The following TTC39B variants were observed in gnomAD, a reference collection of about 807,000 sequenced individuals.
TTC39B encodes the protein tetratricopeptide repeat domain 39B.
Under a neutral mutation model 96.6 loss-of-function variants are expected in TTC39B, and 92 were observed. That is an observed-to-expected ratio of 0.95 (90% CI 0.80 to 1.13). The LOEUF is 1.13. TTC39B is among the 50% of genes most tolerant of loss of function. TTC39B has a pLI of 0.00. For synonymous variants in TTC39B, 367 were observed against 299.4 expected (o/e 1.23, Z -2.33); for missense variants, 955 against 809.3 (o/e 1.18, Z -2.18).
At chr9:15,234,753 C>T (rs993674363) in intron 2 of TTC39B, among the ~76,000 whole-genome samples, 9 of 151,724 alleles carry the variant, frequency 5.9e-5, no homozygotes, top group Admixed American at 5.3e-4. Context: ...CTCTCTGAAA[C>T]ATGTGCTGTG....
chr9:15,211,750 T>C (rs989369483), intron 4 of TTC39B, among the ~76,000 whole-genome samples: 1 of 152,210 alleles, frequency 6.6e-6, no homozygotes, highest in East Asian at 1.9e-4. Flanking sequence ...TAAAGGCCGC[T>C]GGAAATGTAT....
chr9:15,205,396 C>G (rs1282842711), intron 6 of TTC39B, among the ~76,000 whole-genome samples: 1 of 152,192 alleles, frequency 6.6e-6, no homozygotes, highest in Non-Finnish European at 1.5e-5. Flanking sequence ...ATGCCACCCC[C>G]ACCCTACACA....
intron 1 of TTC39B, among the ~76,000 whole-genome samples, chr9:15,273,617 T>A (rs1823434591): frequency 6.6e-6 from 1 of 151,544 alleles, no homozygotes; most frequent in Non-Finnish European, 1.5e-5. Flanking sequence ...GATGACAAGG[T>A]TTGAGAGGGC....
rs547757188 is a variant in TTC39B at position 15,275,154 on chromosome 9, G to A, written c.241-7206C>T. 5.8e-3 allele frequency among the ~76,000 whole-genome samples: 876 copies of A among 151,940 alleles called. 9 individuals are homozygous for A. The highest frequency in any genetic ancestry group is 6.6e-3 in the Non-Finnish European group (447 of 67,972). On this transcript the variant is annotated intron_variant, in intron 1 of 19. Coordinates refer to ENST00000512701, the Ensembl canonical transcript of TTC39B. ...CCCCTCCAGTTCAAGCGATTCTCCT[G>A]CCTCAGCCTCCCAAGTAGCTGAGAT...
chr9:15,182,277 G>C, intron 17 of TTC39B, 30 bp downstream of exon 17: 1 of 1,436,322 alleles, frequency 7.0e-7, no homozygotes, highest in Non-Finnish European at 9.7e-7. Flanking sequence ...CAGAGACAAA[G>C]GCTCCTCGGT....
At chr9:15,263,319 A>C (rs1823010664) in intron 2 of TTC39B, among the ~76,000 whole-genome samples, 1 of 152,188 alleles carries the variant, frequency 6.6e-6, no homozygotes, top group Non-Finnish European at 1.5e-5. Context: ...ATTTAACTTA[A>C]ATTTCATTTA....
chr9:15,171,085 T>C (rs1214763880), exon 20 of TTC39B: 1 of 152,200 alleles, frequency 6.6e-6, no homozygotes, highest in East Asian at 1.9e-4. Context: ...TATGCCCTGA[T>C]TCTGTTTCCC....
chr9:15,190,335 G>A (rs1490330559), intron 11 of TTC39B, among the ~76,000 whole-genome samples: 1 of 151,482 alleles, frequency 6.6e-6, no homozygotes, highest in African/African-American at 2.4e-5. Flanking sequence ...TTTATGTTTT[G>A]TCTTGTTTTG....
intron 14 of TTC39B, 91 bp downstream of exon 14, chr9:15,187,880 T>C (rs932877545): frequency 7.7e-7 from 1 of 1,306,034 alleles, no homozygotes; most frequent in African/African-American, 1.5e-5. Context: ...AACACTGTGG[T>C]ATCATACTAC....
chr9:15,186,696 T>A (rs962712724), intron 15 of TTC39B: 12 of 348,934 alleles, frequency 3.4e-5, no homozygotes, highest in Admixed American at 9.3e-5. Context: ...TTAATATACA[T>A]GGTTTTTTTT....
At chr9:15,274,163 C>A (rs949541473) in intron 1 of TTC39B, among the ~76,000 whole-genome samples, 3 of 152,184 alleles carry the variant, frequency 2.0e-5, no homozygotes, top group African/African-American at 7.2e-5. Flanking sequence ...ACTGATTTTT[C>A]TAAGTCAGAA....
chr9:15,297,097 C>G (rs936826293), intron 1 of TTC39B, among the ~76,000 whole-genome samples: 2 of 152,202 alleles, frequency 1.3e-5, no homozygotes, highest in Non-Finnish European at 2.9e-5. Context: ...AGCTCTCCTG[C>G]ATTAATCACT....
intron 3 of TTC39B, among the ~76,000 whole-genome samples, chr9:15,218,826 G>A (rs1294579919): frequency 6.6e-6 from 1 of 152,064 alleles, no homozygotes; most frequent in Non-Finnish European, 1.5e-5. Flanking sequence ...TTTGCCTCAA[G>A]AGAAGTCAAA....
chr9:15,220,950 A>G (rs1261561565), intron 3 of TTC39B, among the ~76,000 whole-genome samples: 1 of 152,182 alleles, frequency 6.6e-6, no homozygotes, highest in East Asian at 1.9e-4. Flanking sequence ...GTACTTGGAC[A>G]AGAGACATTT....
rs553585136 is a variant in TTC39B, at chr9:15,306,335, C to T, written c.240+749G>A. Among the ~76,000 whole-genome samples, 132 of 152,306 alleles carry T rather than the reference C, an allele frequency of 8.7e-4. 1 individual carries two copies. The highest frequency in any genetic ancestry group is 3.4e-3 in the Middle Eastern group (1 of 294). On this transcript the variant is annotated intron_variant, in intron 1 of 19. Transcript: ENST00000512701. The surrounding 1 kb of genome is among the most constrained non-coding windows in gnomAD (Gnocchi z 5.1). ...GCGCTAGCCCCTGGGTGCTCAGGCC[C>T]GGGCGCGCCACGACTGAAGGAGTGG...
chr9:15,297,486 C>A (rs1183304223), intron 1 of TTC39B, among the ~76,000 whole-genome samples: 1 of 152,090 alleles, frequency 6.6e-6, no homozygotes, highest in African/African-American at 2.4e-5. Flanking sequence ...GGTGGACCAC[C>A]CTGTGACAGC....
At chr9:15,276,758 T>C (rs1047929362) in intron 1 of TTC39B, among the ~76,000 whole-genome samples, 1 of 152,216 alleles carries the variant, frequency 6.6e-6, no homozygotes, top group Non-Finnish European at 1.5e-5. Flanking sequence ...GAGTCCAGCC[T>C]TTCAATCCTC....
At chr9:15,177,088 C>T (rs1439214105) in intron 18 of TTC39B, among the ~76,000 whole-genome samples, 1 of 152,150 alleles carries the variant, frequency 6.6e-6, no homozygotes, top group Non-Finnish European at 1.5e-5. Context: ...GCTCTGAATC[C>T]TTAGAATCCA....
intron 1 of TTC39B, among the ~76,000 whole-genome samples, chr9:15,279,105 T>C (rs889449806): frequency 2.6e-5 from 4 of 152,258 alleles, no homozygotes; most frequent in African/African-American, 9.6e-5. Context: ...TTAATGCACT[T>C]AGCACAGTAT....
Sources: gnomAD v4.1 joint callset for allele counts (sites outside exome capture counted in the v4.1 genomes callset) on GRCh38, gnomAD v4.1.1 for gene constraint, Gnocchi (gnomAD v3.1) non-coding constraint, MANE v1.5 for transcripts, NCBI Gene and HGNC (gene_info 2026-07-23, HGNC 2026-07-21) for gene names.